NR3C2: variants seen among roughly 807,000 people sequenced by gnomAD.
The protein encoded by NR3C2 is nuclear receptor subfamily 3 group C member 2.
NR3C2 carries 15 observed loss-of-function variants against 86.4 expected under a neutral mutation model. The observed-to-expected ratio is 0.17, with a 90% CI of 0.12 to 0.27. NR3C2 has a LOEUF of 0.27. Ranked by LOEUF, NR3C2 falls within the 10% of genes least tolerant of loss-of-function variation. The pLI is 1.00. For missense variants in NR3C2, 960 were observed against 1,195.6 expected, an observed-to-expected ratio of 0.80 and a Z score of 2.91; for synonymous variants, 458 against 450.5, an observed-to-expected ratio of 1.02 and a Z score of -0.21.
chr4:148,408,442 T>C (rs913967390), intron 2 of NR3C2, among the ~76,000 whole-genome samples: 4 of 152,198 alleles, frequency 2.6e-5, no homozygotes, highest in Non-Finnish European at 5.9e-5. Flanking sequence ...GGATTTTCAG[T>C]AGAGTTTTAT....
chr4:148,284,652 T>C (rs1433814734), intron 2 of NR3C2, among the ~76,000 whole-genome samples: 1 of 152,188 alleles, frequency 6.6e-6, no homozygotes, highest in East Asian at 1.9e-4. Flanking sequence ...AAAGGATCTA[T>C]GACTTTGTAT....
intron 2 of NR3C2, among the ~76,000 whole-genome samples, chr4:148,366,913 A>G (rs549730033): frequency 1.3e-5 from 2 of 152,316 alleles, no homozygotes; most frequent in South Asian, 4.1e-4. Flanking sequence ...CATGACTTCA[A>G]TAACACCAAC....
At chr4:148,341,260 G>C (rs62333587) in intron 2 of NR3C2, among the ~76,000 whole-genome samples, 5,682 of 152,180 alleles carry the variant, frequency 0.037, 159 homozygotes, top group Non-Finnish European at 0.051. Context: ...ACTAACAGTG[G>C]AATATTATTC....
At chr4:148,394,853 G>A (rs1747778935) in intron 2 of NR3C2, among the ~76,000 whole-genome samples, 1 of 152,152 alleles carries the variant, frequency 6.6e-6, no homozygotes, top group Non-Finnish European at 1.5e-5. Context: ...TGAACTTATA[G>A]ATCTGGCTAA....
chr4:148,370,979 G>A (rs1746388835), intron 2 of NR3C2, among the ~76,000 whole-genome samples: 1 of 152,076 alleles, frequency 6.6e-6, no homozygotes, highest in African/African-American at 2.4e-5. Context: ...CAATCCTCCT[G>A]CCTTGGCCTC....
chr4:148,442,117 G>A lies in NR3C2; in HGVS notation c.-3+43C>T, dbSNP rs61760020. 4.1e-3 allele frequency: 620 copies of A among 152,648 alleles called. 2 individuals are homozygous for A. The highest frequency in any genetic ancestry group is 6.8e-3 in the Middle Eastern group (2 of 296). 9.5% of individuals were successfully genotyped at this position (152,648 alleles called of 1,614,324 possible). On this transcript the variant is annotated intron_variant, in intron 1 of 8. Transcript: ENST00000358102. ...GCACGCTCCCGCGCCGCGGCCGCAC[G>A]CCGAGCACGGCAAGCGGTGCCCCGC... is the stretch of plus-strand genomic sequence containing the variant.
chr4:148,145,963 C>T (rs942273265), intron 6 of NR3C2, among the ~76,000 whole-genome samples: 4 of 151,566 alleles, frequency 2.6e-5, no homozygotes, highest in Non-Finnish European at 5.9e-5. Flanking sequence ...GGAAAAGAAA[C>T]GAAGGAGCAG....
chr4:148,272,370 C>T (rs1438054636), intron 2 of NR3C2, among the ~76,000 whole-genome samples: 2 of 152,098 alleles, frequency 1.3e-5, no homozygotes, highest in African/African-American at 4.8e-5. Context: ...CTGTTTCTTA[C>T]AAATGAGATA....
At chr4:148,338,038 G>A (rs1056940866) in intron 2 of NR3C2, among the ~76,000 whole-genome samples, 1 of 152,036 alleles carries the variant, frequency 6.6e-6, no homozygotes, top group Admixed American at 6.5e-5. Flanking sequence ...TGTAGCATTG[G>A]GATTAAATAA....
chr4:148,428,570 A>T (rs1225511326), intron 2 of NR3C2, among the ~76,000 whole-genome samples: 1 of 152,216 alleles, frequency 6.6e-6, no homozygotes, highest in Non-Finnish European at 1.5e-5. Context: ...TAATGGTTAT[A>T]TTCTCATTAT....
chr4:148,185,442 T>A (rs1735845481), intron 4 of NR3C2, among the ~76,000 whole-genome samples: 2 of 152,230 alleles, frequency 1.3e-5, no homozygotes, highest in South Asian at 4.1e-4. Flanking sequence ...CTGGTCCTGA[T>A]CAGCCAGCCA....
chr4:148,223,949 C>G (rs1371479910), intron 3 of NR3C2, among the ~76,000 whole-genome samples: 1 of 151,916 alleles, frequency 6.6e-6, no homozygotes, highest in Admixed American at 6.6e-5. Flanking sequence ...GGCAAATGAA[C>G]ATATAGAACC....
chr4:148,240,352 G>C (rs1260807995), intron 3 of NR3C2, among the ~76,000 whole-genome samples: 1 of 151,466 alleles, frequency 6.6e-6, no homozygotes, highest in Non-Finnish European at 1.5e-5. Flanking sequence ...ATGTAGATTA[G>C]CCATATTTCA....
intron 2 of NR3C2, among the ~76,000 whole-genome samples, chr4:148,385,970 T>C (rs887243575): frequency 6.6e-6 from 1 of 152,190 alleles, no homozygotes; most frequent in Non-Finnish European, 1.5e-5. Context: ...CATCTTCCTA[T>C]TTCAGATACG....
chr4:148,233,508 A>C (rs1738571787), intron 3 of NR3C2, among the ~76,000 whole-genome samples: 1 of 151,968 alleles, frequency 6.6e-6, no homozygotes, highest in African/African-American at 2.4e-5. Flanking sequence ...CCACAGGTAC[A>C]TGCCACCACG....
At chr4:148,113,703 G>A (rs182107730) in intron 8 of NR3C2, among the ~76,000 whole-genome samples, 53 of 152,300 alleles carry the variant, frequency 3.5e-4, no homozygotes, top group Non-Finnish European at 8.8e-5. Context: ...GAATCTGAGA[G>A]TGGCCAACCT....
intron 2 of NR3C2, among the ~76,000 whole-genome samples, chr4:148,315,524 A>T (rs1743128070): frequency 6.6e-6 from 1 of 152,194 alleles, no homozygotes; most frequent in Admixed American, 6.5e-5. Flanking sequence ...TTCTTGATGT[A>T]GCCTATGAGA....
At chr4:148,164,979 C>T (rs1003517416) in intron 4 of NR3C2, among the ~76,000 whole-genome samples, 1 of 152,116 alleles carries the variant, frequency 6.6e-6, no homozygotes, top group Non-Finnish European at 1.5e-5. Flanking sequence ...CATACCTCCT[C>T]AAACTGTCAA....
At chr4:148,360,683 A>G (rs1277424712) in intron 2 of NR3C2, among the ~76,000 whole-genome samples, 3 of 152,220 alleles carry the variant, frequency 2.0e-5, no homozygotes, top group African/African-American at 7.2e-5. Flanking sequence ...AAATATTTTG[A>G]TTCTGACTGA....
Sources: gnomAD v4.1 joint callset for allele counts (sites outside exome capture counted in the v4.1 genomes callset) on GRCh38, gnomAD v4.1.1 for gene constraint, MANE v1.5 for transcripts, NCBI Gene and HGNC (gene_info 2026-07-23, HGNC 2026-07-21) for gene names.